Variants in LARGE1 observed in about 807,000 individuals in gnomAD.
The protein encoded by LARGE1 is xylosyl- and glucuronyltransferase LARGE1.
In LARGE1, 43 loss-of-function variants were observed where a neutral mutation model predicts 87.6. The observed-to-expected ratio is 0.49, with a 90% CI of 0.38 to 0.63. The LOEUF (loss-of-function observed/expected upper bound fraction) is 0.63, where lower values mean the gene tolerates loss of function less well. Among genes scored for constraint, LARGE1 ranks in the 30% least tolerant of loss-of-function variants. The pLI is 0.00. For missense variants in LARGE1, 802 were observed against 1,000.2 expected (o/e 0.80, Z 2.67); for synonymous variants, 434 against 394.6 (o/e 1.10, Z -1.18).
chr22:33,119,563 T>C, the LARGE1 span, among the ~76,000 whole-genome samples: 1 of 150,860 alleles, frequency 6.6e-6, no homozygotes, highest in Non-Finnish European at 1.5e-5. Context: ...CCTGATGACT[T>C]TTTTTTTTCC....
intron 11 of LARGE1, among the ~76,000 whole-genome samples, chr22:33,241,582 A>G (rs1441177886): frequency 6.6e-6 from 1 of 151,806 alleles, no homozygotes; most frequent in Non-Finnish European, 1.5e-5. Context: ...ATGTGTGTAT[A>G]TGTGTGTGTA....
At chr22:33,339,819 A>T (rs1938943586) in intron 9 of LARGE1, among the ~76,000 whole-genome samples, 1 of 151,924 alleles carries the variant, frequency 6.6e-6, no homozygotes, top group Admixed American at 6.6e-5. Flanking sequence ...GGCACATGCC[A>T]CTATGCACAG....
intron 1 of LARGE1, among the ~76,000 whole-genome samples, chr22:33,865,902 C>CCAGTGG (rs1282128929): frequency 2.6e-5 from 3 of 116,090 alleles, no homozygotes; most frequent in Non-Finnish European, 4.8e-5. Context: ...AGGCTGGAGT[C>CCAGTGG]CAGTGGCATG....
chr22:33,417,516 G>C (rs1272440402), intron 7 of LARGE1, among the ~76,000 whole-genome samples: 1 of 152,246 alleles, frequency 6.6e-6, no homozygotes, highest in Non-Finnish European at 1.5e-5. Context: ...ATTCTTGTGG[G>C]AAGGACAGGG....
rs1939564165 is a variant in LARGE1, at chr22:33,344,777, GGT to G, written c.1132-6978_1132-6977del. 2.1e-5 allele frequency among the ~76,000 whole-genome samples: 3 copies of G among 143,634 alleles called. No homozygotes were observed. In the Admixed American group the frequency reaches 2.2e-4, roughly 10 times the overall value. The allele number at this position is 143,634 out of a possible 152,430, so 94.2% of individuals were successfully genotyped here. A position where few individuals can be genotyped will look rare whatever the true frequency, so the allele number is the denominator to read the frequency against. ...TGACTGCTAAAGAATGTCTTGTCCT[GGT>G]CCCTTGAGGGAAAGGATCACCCATC... On this transcript the variant is annotated intron_variant, in intron 9 of 14. Transcript: ENST00000397394.
At chr22:33,454,917 C>T (rs186457256) in intron 6 of LARGE1, among the ~76,000 whole-genome samples, 115 of 152,204 alleles carry the variant, frequency 7.6e-4, no homozygotes, top group Admixed American at 2.3e-3. Flanking sequence ...TAATCACCTC[C>T]TACCAGGCCC....
At chr22:33,458,305 T>C (rs369864327) in intron 6 of LARGE1, among the ~76,000 whole-genome samples, 10 of 152,062 alleles carry the variant, frequency 6.6e-5, no homozygotes, top group South Asian at 2.1e-4. Flanking sequence ...GGGGTTTCAC[T>C]GTGTCAGCCA....
intron 11 of LARGE1, among the ~76,000 whole-genome samples, chr22:33,255,151 T>C (rs1423815796): frequency 6.6e-6 from 1 of 152,114 alleles, no homozygotes; most frequent in Non-Finnish European, 1.5e-5. Flanking sequence ...TTGGTCAGGC[T>C]GGTCTTGAGC....
intron 9 of LARGE1, among the ~76,000 whole-genome samples, chr22:33,352,332 C>T (rs1285072027): frequency 6.6e-6 from 1 of 152,176 alleles, no homozygotes; most frequent in East Asian, 1.9e-4. Flanking sequence ...GACATTATGA[C>T]AGACCCAAGG....
chr22:33,752,392 A>G (rs559967448), intron 2 of LARGE1, among the ~76,000 whole-genome samples: 1 of 152,294 alleles, frequency 6.6e-6, no homozygotes, highest in Non-Finnish European at 1.5e-5. Context: ...TTGGTATCCA[A>G]AATCAAAAAA....
intron 6 of LARGE1, among the ~76,000 whole-genome samples, chr22:33,480,317 C>A (rs1417767348): frequency 2.0e-5 from 3 of 152,144 alleles, no homozygotes; most frequent in Non-Finnish European, 4.4e-5. Context: ...AAATGTAAGC[C>A]TTTTATGATG....
chr22:33,168,052 GGGTGAACTTTCT>G, intron 11 of LARGE1, among the ~76,000 whole-genome samples: 2 of 152,264 alleles, frequency 1.3e-5, no homozygotes, highest in South Asian at 4.2e-4. Flanking sequence ...TCCTTTTAGT[GGGTGAACTTTCT>G]CCAGGAGTTC....
At chr22:33,709,007 T>C (rs1265944116) in intron 2 of LARGE1, among the ~76,000 whole-genome samples, 1 of 152,136 alleles carries the variant, frequency 6.6e-6, no homozygotes, top group Non-Finnish European at 1.5e-5. Context: ...CTTCTTCTTA[T>C]AGGGACACCA....
intron 1 of LARGE1, among the ~76,000 whole-genome samples, chr22:33,791,117 T>C (rs2085808871): frequency 6.6e-6 from 1 of 152,196 alleles, no homozygotes. Flanking sequence ...GAATGAAAAC[T>C]TTATTCTATA....
rs138084155 is a variant in LARGE1 at position 33,628,230 on chromosome 22, C to T, written c.409-1904G>A. On this transcript the variant is annotated intron_variant, in intron 3 of 14. Transcript: ENST00000397394. ...ATTTCAGGCTCAAAGTTGTATGAGA[C>T]AGGTACAGTATTATCATTTTAGTAT... is the stretch of plus-strand genomic sequence containing the variant. Among the ~76,000 whole-genome samples, 727 of 152,062 alleles carry T rather than the reference C, an allele frequency of 4.8e-3. 5 individuals are homozygous for T. The highest frequency in any genetic ancestry group is 0.017 in the African/African-American group (691 of 41,456).
chr22:33,074,520 C>CA, the LARGE1 span, among the ~76,000 whole-genome samples: 1 of 151,918 alleles, frequency 6.6e-6, no homozygotes, highest in Admixed American at 6.6e-5. Flanking sequence ...ACTAAAAATA[C>CA]AAAAATTAGC....
At chr22:33,917,098 AGGT>A (rs1168454341) in intron 1 of LARGE1, among the ~76,000 whole-genome samples, 1 of 152,250 alleles carries the variant, frequency 6.6e-6, no homozygotes, top group Non-Finnish European at 1.5e-5. Flanking sequence ...GTAATAACTC[AGGT>A]GGGTTCACAG....
intron 6 of LARGE1, among the ~76,000 whole-genome samples, chr22:33,462,861 GAAC>G (rs1171215416): frequency 6.6e-6 from 1 of 152,038 alleles, no homozygotes; most frequent in East Asian, 1.9e-4. Flanking sequence ...GAATAAAATA[GAAC>G]AAGCAAACTT....
chr22:33,488,004 G>A (rs1204233761), intron 6 of LARGE1, among the ~76,000 whole-genome samples: 1 of 152,194 alleles, frequency 6.6e-6, no homozygotes, highest in African/African-American at 2.4e-5. Context: ...TAGCCTCAGA[G>A]TAAAAGTACT....
Sources: gnomAD v4.1 joint callset for allele counts (sites outside exome capture counted in the v4.1 genomes callset) on GRCh38, gnomAD v4.1.1 for gene constraint, MANE v1.5 for transcripts, NCBI Gene and HGNC (gene_info 2026-07-23, HGNC 2026-07-21) for gene names.